Variants in ACTR3C observed in about 807,000 individuals in gnomAD.
ACTR3C encodes the protein actin-related protein 3C.
A neutral mutation model predicts 26.3 loss-of-function variants in ACTR3C; 18 were observed. The observed-to-expected ratio is 0.68, with a 90% CI of 0.47 to 1.01. The LOEUF is 1.01. Among genes scored for constraint, ACTR3C ranks in the 50% least tolerant of loss-of-function variants. ACTR3C has a pLI of 0.00. For missense variants in ACTR3C, 184 were observed against 250.7 expected, an observed-to-expected ratio of 0.73 and a Z score of 1.80; for synonymous variants, 55 against 94.5, an observed-to-expected ratio of 0.58 and a Z score of 2.42.
chr7:149,994,037 G>A, the ACTR3C span, among the ~76,000 whole-genome samples: 1 of 152,216 alleles, frequency 6.6e-6, no homozygotes, highest in South Asian at 2.1e-4. Flanking sequence ...TGGAAGCAAA[G>A]CTAAGGGAGC....
chr7:150,045,333 C>A, the ACTR3C span, among the ~76,000 whole-genome samples: 1 of 152,202 alleles, frequency 6.6e-6, no homozygotes, highest in Non-Finnish European at 1.5e-5. Flanking sequence ...AGGAACTTTT[C>A]TAAGAAGAGT....
chr7:150,278,431 G>A (rs1480738894), intron 6 of ACTR3C, among the ~76,000 whole-genome samples: 1 of 152,236 alleles, frequency 6.6e-6, no homozygotes, highest in Non-Finnish European at 1.5e-5. Context: ...AGCACCATTG[G>A]AGAGCACGGA....
At chr7:150,000,030 C>T in the ACTR3C span, among the ~76,000 whole-genome samples, 117 of 148,838 alleles carry the variant, frequency 7.9e-4, no homozygotes, top group African/African-American at 2.7e-3. Flanking sequence ...ACAGAGACAG[C>T]CAATCTAGTA....
chr7:150,156,904 C>T, the ACTR3C span, among the ~76,000 whole-genome samples: 1 of 151,686 alleles, frequency 6.6e-6, no homozygotes, highest in South Asian at 2.1e-4. Flanking sequence ...TTATTAAAAA[C>T]TTCATGGTTC....
At position 150,293,309 on chromosome 7, in the gene ACTR3C, T is replaced by C; in HGVS notation, c.153+3A>G. ...AGACTTATATATTAACTATTCTGCTTACCACTGGGATAACATGGGTGACTC... is the reference window on the plus strand; with the variant it reads ...AGACTTATATATTAACTATTCTGCTCACCACTGGGATAACATGGGTGACTC... On this transcript the variant is annotated splice_donor_region_variant and intron_variant, in intron 3 of 7. Coordinates refer to ENST00000683684, the MANE Select transcript of ACTR3C (RefSeq NM_001164458.2). The C allele has an allele frequency of 6.4e-7, 1 of 1,574,316 alleles. No individual in the cohort carries two copies. Among genetic ancestry groups the C allele is most frequent in the South Asian group, 1.2e-5 (1 of 85,968 alleles).
chr7:150,317,212 C>G (rs1797022093), intron 1 of ACTR3C, among the ~76,000 whole-genome samples: 1 of 151,884 alleles, frequency 6.6e-6, no homozygotes, highest in Admixed American at 6.6e-5. Flanking sequence ...GCATGCCCGG[C>G]TAATTTTTTG....
the ACTR3C span, among the ~76,000 whole-genome samples, chr7:150,011,498 C>T: frequency 6.6e-6 from 1 of 152,116 alleles, no homozygotes; most frequent in African/African-American, 2.4e-5. Context: ...GGCAGAACAA[C>T]CGCTTGAACC....
chr7:150,040,798 CG>C, the ACTR3C span: 2 of 146,554 alleles, frequency 1.4e-5, no homozygotes, highest in African/African-American at 2.7e-5. Context: ...CCCCGCCTTG[CG>C]GGGGGTGTCT....
the ACTR3C span, among the ~76,000 whole-genome samples, chr7:150,197,947 C>A: frequency 0.014 from 2,041 of 150,720 alleles, 131 homozygotes; most frequent in African/African-American, 0.048. Flanking sequence ...CTCACTGCAA[C>A]CTCCCTGCCT....
chr7:150,006,662 G>A, the ACTR3C span, among the ~76,000 whole-genome samples: 1 of 151,316 alleles, frequency 6.6e-6, no homozygotes, highest in East Asian at 1.9e-4. Flanking sequence ...ACAACCCACT[G>A]AACCTCTGTG....
chr7:149,937,814 G>T, the ACTR3C span, among the ~76,000 whole-genome samples: 1 of 152,288 alleles, frequency 6.6e-6, no homozygotes, highest in Admixed American at 6.5e-5. Context: ...TGAATAAGGC[G>T]CATTCTGATC....
chr7:150,093,223 A>G, the ACTR3C span, among the ~76,000 whole-genome samples: 1 of 151,108 alleles, frequency 6.6e-6, no homozygotes, highest in Non-Finnish European at 1.5e-5. Flanking sequence ...TAAAAAATGT[A>G]GATACCTGAG....
chr7:150,159,078 C>T, the ACTR3C span, among the ~76,000 whole-genome samples: 1 of 152,134 alleles, frequency 6.6e-6, no homozygotes, highest in South Asian at 2.1e-4. Flanking sequence ...GGGTATGTCC[C>T]TTAGCTTGAT....
chr7:150,203,650 C>T, the ACTR3C span, among the ~76,000 whole-genome samples: 6 of 152,292 alleles, frequency 3.9e-5, no homozygotes, highest in African/African-American at 1.4e-4. Context: ...ACTGCAACCT[C>T]CACCTCCCTG....
chr7:149,922,873 T>C, the ACTR3C span, among the ~76,000 whole-genome samples: 2 of 151,760 alleles, frequency 1.3e-5, no homozygotes, highest in African/African-American at 4.8e-5. Flanking sequence ...TTTATGGCTC[T>C]GTCCTCTGTC....
At chr7:149,931,047 G>T in the ACTR3C span, among the ~76,000 whole-genome samples, 2 of 152,320 alleles carry the variant, frequency 1.3e-5, no homozygotes, top group South Asian at 2.1e-4. Flanking sequence ...TGTATTTTTA[G>T]TAGAGACAGG....
chr7:150,108,739 C>T, the ACTR3C span, among the ~76,000 whole-genome samples: 241 of 150,688 alleles, frequency 1.6e-3, 4 homozygotes, highest in South Asian at 5.7e-3. Flanking sequence ...CTCAGACTTT[C>T]CAGACCCCAG....
the ACTR3C span, among the ~76,000 whole-genome samples, chr7:150,133,046 AC>A: frequency 6.6e-6 from 1 of 151,990 alleles, no homozygotes; most frequent in Non-Finnish European, 1.5e-5. Context: ...AACTCTAGCA[AC>A]CCTAGACATG....
the ACTR3C span, among the ~76,000 whole-genome samples, chr7:149,971,727 G>A: frequency 6.6e-6 from 1 of 152,204 alleles, no homozygotes; most frequent in Non-Finnish European, 1.5e-5. Context: ...GGAGTGTCAT[G>A]TCTCCCTCGT....
Sources: allele counts gnomAD v4.1 joint callset (sites outside exome capture counted in the v4.1 genomes callset), GRCh38; gene constraint gnomAD v4.1.1; transcripts MANE v1.5; gene names NCBI Gene and HGNC (gene_info 2026-07-23, HGNC 2026-07-21).